Variants in CCDC171 observed in about 807,000 individuals in gnomAD.
CCDC171 encodes the protein coiled-coil domain-containing protein 171.
CCDC171 carries 177 observed loss-of-function variants against 168.2 expected under a neutral mutation model. The ratio of observed to expected loss-of-function variants is 1.05; its 90% CI spans 0.93 to 1.19. The LOEUF (loss-of-function observed/expected upper bound fraction) is 1.19, where lower values mean the gene tolerates loss of function less well. Ranked by LOEUF, CCDC171 falls within the 50% of genes most tolerant of loss-of-function variation. CCDC171 has a pLI of 0.00. For missense variants in CCDC171, 1,991 were observed against 1,539.0 expected (o/e 1.29, Z -4.91); for synonymous variants, 687 against 540.8 (o/e 1.27, Z -3.75).
intron 6 of CCDC171, among the ~76,000 whole-genome samples, chr9:15,598,426 T>G (rs764708087): frequency 3.3e-5 from 5 of 151,974 alleles, no homozygotes; most frequent in Non-Finnish European, 7.4e-5. Flanking sequence ...CATTCAGGAG[T>G]AGGTTGTTCA....
At chr9:15,568,420 G>A (rs1273411456) in intron 2 of CCDC171, among the ~76,000 whole-genome samples, 6 of 146,418 alleles carry the variant, frequency 4.1e-5, no homozygotes, top group Admixed American at 1.4e-4. Context: ...ACAGGTGCCC[G>A]CCACCACGCC....
At chr9:16,062,813 C>T (rs1042623884), downstream of CCDC171, among the ~76,000 whole-genome samples, 3 of 152,088 alleles carry the variant, frequency 2.0e-5, no homozygotes, top group African/African-American at 7.2e-5. Flanking sequence ...CGGTGAGGGA[C>T]GAATTAATTG....
chr9:15,565,225 A>G (rs2132582773), intron 2 of CCDC171, among the ~76,000 whole-genome samples: 1 of 151,996 alleles, frequency 6.6e-6, no homozygotes, highest in African/African-American at 2.4e-5. Context: ...AGTAGCTGGG[A>G]TTATAGGCGC....
intron 23 of CCDC171, among the ~76,000 whole-genome samples, chr9:15,857,276 A>T (rs190770686): frequency 6.6e-6 from 1 of 151,932 alleles, no homozygotes; most frequent in Admixed American, 6.6e-5. Context: ...TTGTGCTTTT[A>T]GTGTCATATC....
chr9:15,703,947 A>G (rs1457543036), intron 11 of CCDC171, among the ~76,000 whole-genome samples: 1 of 152,180 alleles, frequency 6.6e-6, no homozygotes, highest in East Asian at 1.9e-4. Context: ...TCACCATAAT[A>G]TATATAGTAA....
intron 9 of CCDC171, among the ~76,000 whole-genome samples, chr9:15,676,341 G>A (rs532599437): frequency 4.6e-5 from 7 of 152,110 alleles, no homozygotes; most frequent in Non-Finnish European, 8.8e-5. Context: ...GCTCGGAGAA[G>A]TTTGTTATTA....
At chr9:15,942,820 A>G (rs943322993) in intron 25 of CCDC171, among the ~76,000 whole-genome samples, 2 of 151,996 alleles carry the variant, frequency 1.3e-5, no homozygotes, top group Non-Finnish European at 2.9e-5. Context: ...AGAGAAAGAT[A>G]TAGGGTATTA....
chr9:16,065,323 C>G (rs1044818219), downstream of CCDC171, among the ~76,000 whole-genome samples: 9 of 152,226 alleles, frequency 5.9e-5, no homozygotes, highest in Non-Finnish European at 1.3e-4. Context: ...CAAGCTCCCT[C>G]CCTCCCCACC....
At chr9:15,642,500 A>G (rs1176123798) in intron 7 of CCDC171, among the ~76,000 whole-genome samples, 1 of 151,454 alleles carries the variant, frequency 6.6e-6, no homozygotes, top group Non-Finnish European at 1.5e-5. Flanking sequence ...GTGGTATTGG[A>G]AAAAATTTTT....
chr9:15,781,258 A>G (rs1011082366), intron 20 of CCDC171, among the ~76,000 whole-genome samples: 2 of 152,208 alleles, frequency 1.3e-5, no homozygotes, highest in African/African-American at 2.4e-5. Flanking sequence ...TCTAGAATCT[A>G]GAGAGAAGAT....
chr9:15,847,055 A>T (rs73420388), intron 22 of CCDC171, among the ~76,000 whole-genome samples: 4,096 of 152,194 alleles, frequency 0.027, 179 homozygotes, highest in African/African-American at 0.095. Context: ...GAAAAGTATA[A>T]GCTTCTATGT....
At chr9:15,925,287 G>A (rs1439743544) in intron 25 of CCDC171, among the ~76,000 whole-genome samples, 1 of 151,580 alleles carries the variant, frequency 6.6e-6, no homozygotes, top group Non-Finnish European at 1.5e-5. Context: ...GCTAGTGACT[G>A]AAGATTGGAT....
the CCDC171 span, among the ~76,000 whole-genome samples, chr9:16,105,017 A>G: frequency 6.6e-6 from 1 of 152,198 alleles, no homozygotes; most frequent in African/African-American, 2.4e-5. Flanking sequence ...AGATGCAGGC[A>G]GTAAGGAAAG....
At chr9:15,891,525 C>G (rs2131499257) in intron 24 of CCDC171, among the ~76,000 whole-genome samples, 1 of 152,250 alleles carries the variant, frequency 6.6e-6, no homozygotes, top group Non-Finnish European at 1.5e-5. Context: ...CTGGTTATCA[C>G]TTTGTTTAGT....
chr9:15,642,050 G>T (rs1282545912), intron 7 of CCDC171, among the ~76,000 whole-genome samples: 1 of 151,990 alleles, frequency 6.6e-6, no homozygotes, highest in African/African-American at 2.4e-5. Flanking sequence ...TGTGGTCCCA[G>T]CTACTCAGGA....
chr9:16,046,866 C>T (rs1038977245), intron 1 of CCDC171, among the ~76,000 whole-genome samples: 1 of 152,138 alleles, frequency 6.6e-6, no homozygotes, highest in Admixed American at 6.5e-5. Context: ...TTATCAGCAG[C>T]GTGAGAACAG....
intron 25 of CCDC171, among the ~76,000 whole-genome samples, chr9:15,928,186 A>T (rs1042985542): frequency 6.6e-6 from 1 of 151,734 alleles, no homozygotes; most frequent in African/African-American, 2.4e-5. Context: ...TATAGTGGAG[A>T]ATACAACCAT....
intron 11 of CCDC171, among the ~76,000 whole-genome samples, chr9:15,711,429 T>A (rs940182139): frequency 1.3e-5 from 2 of 152,212 alleles, no homozygotes; most frequent in African/African-American, 4.8e-5. Context: ...TCATATTTGT[T>A]ATGATAGGTT....
intron 2 of CCDC171, among the ~76,000 whole-genome samples, chr9:15,566,984 T>C (rs1338779206): frequency 6.6e-6 from 1 of 152,112 alleles, no homozygotes; most frequent in Non-Finnish European, 1.5e-5. Context: ...TAAGTATAGG[T>C]TTATTTCTAG....
Sources: gnomAD v4.1 joint callset for allele counts (sites outside exome capture counted in the v4.1 genomes callset) on GRCh38, gnomAD v4.1.1 for gene constraint, MANE v1.5 for transcripts, NCBI Gene and HGNC (gene_info 2026-07-23, HGNC 2026-07-21) for gene names.